The following KCNQ2 variants were observed in gnomAD, a reference collection of about 807,000 sequenced individuals.
The protein encoded by KCNQ2 is potassium voltage-gated channel subfamily KQT member 2.
KCNQ2 carries 14 observed loss-of-function variants against 84.8 expected under a neutral mutation model. The ratio of observed to expected loss-of-function variants is 0.17; its 90% CI spans 0.11 to 0.26. The LOEUF is 0.26. Among genes scored for constraint, KCNQ2 ranks in the 10% least tolerant of loss-of-function variants. KCNQ2 has a pLI of 1.00. For synonymous variants in KCNQ2, 599 were observed against 554.1 expected, an observed-to-expected ratio of 1.08 and a Z score of -1.14; for missense variants, 788 against 1,254.0, an observed-to-expected ratio of 0.63 and a Z score of 5.61.
At chr20:63,444,368 C>T (rs185943560) in intron 4 of KCNQ2, among the ~76,000 whole-genome samples, 279 of 152,344 alleles carry the variant, frequency 1.8e-3, no homozygotes, top group Non-Finnish European at 3.4e-3. Context: ...GCCAAGGGTT[C>T]GCGGCAGGAA....
chr20:63,443,415 TCACCACCATCATCACCATCACCATCAC>T (rs2081312302), intron 4 of KCNQ2, among the ~76,000 whole-genome samples: 2 of 18,284 alleles, frequency 1.1e-4, no homozygotes, highest in East Asian at 1.0e-3. Flanking sequence ...ACCATCACCA[TCACCACCATCATCACCATCACCATCAC>T]CACCACCATC....
chr20:63,445,743 AGG>A (rs2081398383), intron 2 of KCNQ2, among the ~76,000 whole-genome samples: 1 of 15,776 alleles, frequency 6.3e-5, no homozygotes. Flanking sequence ...CTGAGCTGGG[AGG>A]CCCTGTCTGA....
At chr20:63,449,753 T>C (rs1474949667) in intron 1 of KCNQ2, among the ~76,000 whole-genome samples, 4 of 150,706 alleles carry the variant, frequency 2.7e-5, no homozygotes, top group Non-Finnish European at 4.4e-5. Flanking sequence ...AGCCCCAGTG[T>C]CTGCGGCCTG....
chr20:63,426,529 C>T (rs546424880), intron 10 of KCNQ2, among the ~76,000 whole-genome samples: 4 of 150,770 alleles, frequency 2.7e-5, no homozygotes, highest in South Asian at 2.1e-4. Context: ...AGTCTTTTGG[C>T]GGATCGGCCA....
intron 6 of KCNQ2, 125 bp downstream of exon 6, chr20:63,439,473 G>T (rs2081094255): frequency 9.3e-6 from 7 of 749,062 alleles, no homozygotes; most frequent in Middle Eastern, 3.2e-4. Context: ...GGGGGCTGTG[G>T]ACCTGCTGAG....
intron 4 of KCNQ2, among the ~76,000 whole-genome samples, chr20:63,442,863 T>TCACCACCAC (rs2081239695): frequency 5.2e-5 from 1 of 19,278 alleles, no homozygotes; most frequent in Non-Finnish European, 9.0e-5. Context: ...ACCACCACCA[T>TCACCACCAC]CACCATCACC....
At chr20:63,416,816 C>T (rs1323478758) in intron 12 of KCNQ2, among the ~76,000 whole-genome samples, 2 of 152,168 alleles carry the variant, frequency 1.3e-5, no homozygotes, top group African/African-American at 4.8e-5. Flanking sequence ...CCACCGCGCC[C>T]GTCTGCCTGG....
rs752638317 is a variant in KCNQ2 at position 63,442,579 on chromosome 20, T to A, written c.691-48A>T. 1.9e-6 allele frequency: 3 copies of A among 1,592,298 alleles called. No individual in the cohort carries two copies. The South Asian group carries it at 3.3e-5, about 18-fold the overall frequency. On this transcript the variant is annotated intron_variant, in intron 4 of 16. Transcript: ENST00000359125. Reference sequence around the variant, plus strand: ...ATCATGACCACCATCACCAGAAGCATCACCATCACCACCACCAACACCACC... The same window carrying A: ...ATCATGACCACCATCACCAGAAGCAACACCATCACCACCACCAACACCACC...
chr20:63,428,274 T>G, intron 10 of KCNQ2, 93 bp downstream of exon 10: 1 of 946,582 alleles, frequency 1.1e-6, no homozygotes, highest in South Asian at 1.4e-5. Flanking sequence ...CTGGAGTCCC[T>G]GGGGCACTGT....
Position 63,406,424 on chromosome 20 carries a change from G to A in KCNQ2, c.*220C>T, listed in dbSNP as rs1476518366. 3.3e-6 allele frequency: 2 copies of A among 613,534 alleles called. No homozygotes were observed. Among genetic ancestry groups the A allele is most frequent in the East Asian group, 5.7e-5 (2 of 34,792 alleles). 38.0% of individuals were successfully genotyped at this position (613,534 alleles called of 1,614,324 possible). A position where few individuals can be genotyped will look rare whatever the true frequency, so the allele number is the denominator to read the frequency against. On this transcript the variant is annotated 3_prime_UTR_variant, in exon 17 of 17. Transcript: ENST00000359125. ...CCTGCACGCTGCTCCTGGAGCCACA[G>A]GGCCCTGCCCAGCCCTCCAGCCCCT...
At chr20:63,436,148 C>T (rs947823517) in intron 7 of KCNQ2, among the ~76,000 whole-genome samples, 3 of 152,160 alleles carry the variant, frequency 2.0e-5, no homozygotes, top group African/African-American at 4.8e-5. Context: ...CTGGGTAAAA[C>T]GCTATCCAAC....
At chr20:63,427,982 T>C (rs1433849585) in intron 10 of KCNQ2, among the ~76,000 whole-genome samples, 1 of 152,202 alleles carries the variant, frequency 6.6e-6, no homozygotes, top group Non-Finnish European at 1.5e-5. Context: ...GCCGTGGGCT[T>C]TGGGCCTGAA....
chr20:63,455,892 G>T (rs7508914), intron 1 of KCNQ2, among the ~76,000 whole-genome samples: 1 of 57,766 alleles, frequency 1.7e-5, no homozygotes, highest in Non-Finnish European at 3.3e-5. Flanking sequence ...GGAGACCCCT[G>T]TGCTCACGGG....
In KCNQ2 at chr20:63,403,413, CAT is replaced by C. The variant is rs913276701; in HGVS notation, c.*3229_*3230del. 1.3e-5 allele frequency: 2 copies of C among 152,332 alleles called. No individual in the cohort carries two copies. Among genetic ancestry groups the C allele is most frequent in the Non-Finnish European group, 2.9e-5 (2 of 68,114 alleles). The allele number at this position is 152,332 out of a possible 1,614,324, so 9.4% of individuals were successfully genotyped here. On this transcript the variant is annotated 3_prime_UTR_variant, in exon 17 of 17. Coordinates refer to ENST00000359125, the MANE Select transcript of KCNQ2 (RefSeq NM_172107.4). ...GTGTGCATGCACGCGTGTGTGTGTG[CAT>C]GTGTGCAGTGTGCTCTGTGCACTTG...
chr20:63,449,367 C>T (rs1180778421), intron 1 of KCNQ2: 1 of 152,294 alleles, frequency 6.6e-6, no homozygotes, highest in African/African-American at 2.4e-5. Flanking sequence ...CGCCTGACTC[C>T]ACCATGCTGT....
intron 8 of KCNQ2, among the ~76,000 whole-genome samples, chr20:63,432,621 T>C (rs867695486): frequency 2.1e-3 from 218 of 104,154 alleles, no homozygotes; most frequent in Non-Finnish European, 2.8e-3. Flanking sequence ...CAGGGAAGGC[T>C]CCACCCTCTG....
At chr20:63,409,707 C>G (rs1031697445) in intron 15 of KCNQ2, among the ~76,000 whole-genome samples, 1 of 152,178 alleles carries the variant, frequency 6.6e-6, no homozygotes, top group African/African-American at 2.4e-5. Flanking sequence ...GCCAAGTCCT[C>G]ACTTCCTGCC....
chr20:63,446,597 C>T lies in KCNQ2; in HGVS notation c.387+150G>A. 1.4e-6 allele frequency: 1 copy of T among 696,740 alleles called. No homozygotes were observed. Among genetic ancestry groups the T allele is most frequent in the Non-Finnish European group, 2.5e-6 (1 of 393,444 alleles). 43.2% of individuals were successfully genotyped at this position (696,740 alleles called of 1,614,324 possible). On this transcript the variant is annotated intron_variant, in intron 2 of 16. Transcript: ENST00000359125. This position sits in a 1 kb window ranked among gnomAD's most constrained non-coding sequence, Gnocchi z 5.5. The stretch of plus-strand genomic sequence containing the variant: ...ATAGCCCGGGCTGTGGGGCTGGGGG[C>T]AGATGGGAACTGACAGGGCACAAAG...
intron 10 of KCNQ2, among the ~76,000 whole-genome samples, chr20:63,426,188 T>C (rs2080629468): frequency 2.0e-5 from 3 of 152,218 alleles, no homozygotes. Flanking sequence ...TAGTTTCTGC[T>C]GGTATGAAAC....
Sources: gnomAD v4.1 joint callset for allele counts (sites outside exome capture counted in the v4.1 genomes callset) on GRCh38, gnomAD v4.1.1 for gene constraint, Gnocchi (gnomAD v3.1) non-coding constraint, MANE v1.5 for transcripts, NCBI Gene and HGNC (gene_info 2026-07-23, HGNC 2026-07-21) for gene names.